The following ROBO2 variants were observed in gnomAD, a reference collection of about 807,000 sequenced individuals.
ROBO2 encodes roundabout homolog 2.
ROBO2 carries 53 observed loss-of-function variants against 160.8 expected under a neutral mutation model. That is an observed-to-expected ratio of 0.33 (90% CI 0.26 to 0.41). The LOEUF is 0.41. Ranked by LOEUF, ROBO2 falls within the 10% of genes least tolerant of loss-of-function variation. The pLI is 1.00. For missense variants in ROBO2, 1,577 were observed against 1,722.4 expected, an observed-to-expected ratio of 0.92 and a Z score of 1.49; for synonymous variants, 664 against 611.7, an observed-to-expected ratio of 1.09 and a Z score of -1.26.
intron 2 of ROBO2, among the ~76,000 whole-genome samples, chr3:77,333,335 A>T (rs946921834): frequency 6.6e-6 from 1 of 152,318 alleles, no homozygotes; most frequent in African/African-American, 2.4e-5. Flanking sequence ...TATTTCTAAC[A>T]TTACACTTAG....
chr3:77,243,610 G>A lies in ROBO2; in HGVS notation c.388+145270G>A, dbSNP rs567623030. Reference sequence around the variant, plus strand: ...TTCTTGGGAGATGCATTGGTGCTTCGCAAAGCTGTGCAGTCATTGAAGGTG... The same window carrying A: ...TTCTTGGGAGATGCATTGGTGCTTCACAAAGCTGTGCAGTCATTGAAGGTG... On this transcript the variant is annotated intron_variant, in intron 2 of 25. Transcript: ENST00000461745. 3.5e-4 allele frequency among the ~76,000 whole-genome samples: 54 copies of A among 152,210 alleles called. No homozygotes were observed. The South Asian group carries it at 5.6e-3, about 16-fold the overall frequency.
chr3:77,253,970 TTTGC>T (rs2090653367), intron 2 of ROBO2, among the ~76,000 whole-genome samples: 1 of 152,378 alleles, frequency 6.6e-6, no homozygotes, highest in Middle Eastern at 3.4e-3. Flanking sequence ...GTTTTTATAC[TTTGC>T]TTGAGCACTG....
In ROBO2 at chr3:75,967,508, A is replaced by G. The variant is rs539824699; in HGVS notation, c.109+29906A>G. Among the ~76,000 whole-genome samples the G allele has an allele frequency of 7.3e-5, 11 of 151,708 alleles. No homozygotes were observed. The South Asian group carries it at 2.1e-3, about 29-fold the overall frequency. ...ATAACCACATACTACAATAACTACA[A>G]TAATTAAGATAACATATAAAATTAC... On this transcript the variant is annotated intron_variant, in intron 2 of 26. Transcript: ENST00000487694.
At chr3:77,351,897 T>C (rs1460876789) in intron 2 of ROBO2, among the ~76,000 whole-genome samples, 1 of 148,192 alleles carries the variant, frequency 6.7e-6, no homozygotes, top group Non-Finnish European at 1.5e-5. Flanking sequence ...AAGTGAACAA[T>C]GAGAACACAT....
chr3:76,712,484 G>A (rs760437719), intron 2 of ROBO2, among the ~76,000 whole-genome samples: 17 of 152,066 alleles, frequency 1.1e-4, no homozygotes, highest in Middle Eastern at 3.4e-3. Flanking sequence ...AAACCAGCCC[G>A]GCCAACATGG....
At chr3:77,226,945 T>TAGTG (rs1458345120) in intron 2 of ROBO2, among the ~76,000 whole-genome samples, 2 of 152,184 alleles carry the variant, frequency 1.3e-5, no homozygotes, top group Non-Finnish European at 2.9e-5. Flanking sequence ...GGTTAAAAAG[T>TAGTG]AGTGGTTGCT....
intron 2 of ROBO2, among the ~76,000 whole-genome samples, chr3:76,654,248 A>C (rs1220626372): frequency 6.6e-6 from 1 of 151,744 alleles, no homozygotes; most frequent in Admixed American, 6.6e-5. Context: ...TCTGAAATAG[A>C]TAGATGCCCC....
intron 2 of ROBO2, among the ~76,000 whole-genome samples, chr3:76,309,687 T>G (rs17140633): frequency 6.6e-6 from 1 of 152,214 alleles, no homozygotes; most frequent in Non-Finnish European, 1.5e-5. Context: ...GCATAATTCA[T>G]GTATTGTGTC....
intron 2 of ROBO2, among the ~76,000 whole-genome samples, chr3:76,715,260 C>G (rs2093361189): frequency 6.6e-6 from 1 of 152,080 alleles, no homozygotes; most frequent in Non-Finnish European, 1.5e-5. Flanking sequence ...TAATAATCTT[C>G]CAGGTATTAA....
chr3:76,287,538 G>A (rs1708567087), intron 2 of ROBO2, among the ~76,000 whole-genome samples: 1 of 152,020 alleles, frequency 6.6e-6, no homozygotes. Flanking sequence ...GACCTCAGGT[G>A]ATCCACCCAC....
intron 2 of ROBO2, among the ~76,000 whole-genome samples, chr3:76,732,394 G>A (rs1231763304): frequency 1.3e-5 from 2 of 152,102 alleles, no homozygotes; most frequent in African/African-American, 4.8e-5. Flanking sequence ...GGAATTATTG[G>A]AGGCTTAACT....
At chr3:76,738,043 A>G (rs2093742777) in intron 2 of ROBO2, among the ~76,000 whole-genome samples, 1 of 152,068 alleles carries the variant, frequency 6.6e-6, no homozygotes, top group Non-Finnish European at 1.5e-5. Flanking sequence ...CTGTGGTGGG[A>G]GGATCACTTC....
chr3:75,986,455 G>A (rs2065417356), intron 2 of ROBO2, among the ~76,000 whole-genome samples: 1 of 151,090 alleles, frequency 6.6e-6, no homozygotes, highest in African/African-American at 2.4e-5. Context: ...TCAGTCCCTT[G>A]TCAAACATCA....
At chr3:76,550,443 T>C (rs954415746) in intron 2 of ROBO2, among the ~76,000 whole-genome samples, 1 of 152,254 alleles carries the variant, frequency 6.6e-6, no homozygotes, top group Non-Finnish European at 1.5e-5. Context: ...CAGCAGCTTG[T>C]CTGAAGTGGC....
rs72898196 is a variant in ROBO2, at chr3:76,898,797, G to A, written c.110-199217G>A. On this transcript the variant is annotated intron_variant, in intron 2 of 26. Transcript: ENST00000487694. The stretch of plus-strand genomic sequence containing the variant: ...ACTAAAATGTTTCTGTACTTTCAAG[G>A]TCATCTCAAGTTCTTAAATAATATA... 2.9e-3 allele frequency among the ~76,000 whole-genome samples: 448 copies of A among 152,102 alleles called. 4 individuals are homozygous for A. Among genetic ancestry groups the A allele is most frequent in the African/African-American group, 0.01 (433 of 41,482 alleles).
chr3:76,885,225 C>G (rs2073759539), intron 2 of ROBO2, among the ~76,000 whole-genome samples: 2 of 152,044 alleles, frequency 1.3e-5, no homozygotes, highest in African/African-American at 4.8e-5. Flanking sequence ...TTACTGTCCT[C>G]AATTTTTTCC....
intron 2 of ROBO2, among the ~76,000 whole-genome samples, chr3:77,108,563 G>C (rs936947939): frequency 2.0e-5 from 3 of 152,102 alleles, no homozygotes. Flanking sequence ...GAGCACCTCT[G>C]GTGCTGGGCT....
chr3:77,491,352 T>C (rs142398963), intron 4 of ROBO2, among the ~76,000 whole-genome samples: 2 of 152,264 alleles, frequency 1.3e-5, no homozygotes, highest in East Asian at 3.9e-4. Context: ...GTAATATCAA[T>C]AGTGTCTCAA....
intron 2 of ROBO2, among the ~76,000 whole-genome samples, chr3:76,107,709 A>G (rs1332475170): frequency 6.6e-6 from 1 of 152,116 alleles, no homozygotes; most frequent in Non-Finnish European, 1.5e-5. Flanking sequence ...TCAAAATTAC[A>G]CAGTTGAAGT....
Sources: gnomAD v4.1 joint callset for allele counts (sites outside exome capture counted in the v4.1 genomes callset) on GRCh38, gnomAD v4.1.1 for gene constraint, MANE v1.5 for transcripts, NCBI Gene and HGNC (gene_info 2026-07-23, HGNC 2026-07-21) for gene names.